Variants in NRG1 observed in about 807,000 individuals in gnomAD.
NRG1 encodes the protein neuregulin 1, also known as pro-neuregulin-1, membrane-bound isoform.
NRG1 carries 18 observed loss-of-function variants against 63.8 expected under a neutral mutation model. The ratio of observed to expected loss-of-function variants is 0.28; its 90% CI spans 0.19 to 0.42. NRG1 has a LOEUF of 0.42. Among genes scored for constraint, NRG1 ranks in the 10% least tolerant of loss-of-function variants. The pLI, the probability that NRG1 is intolerant of heterozygous loss-of-function variation, is 1.00. For missense variants in NRG1, 762 were observed against 814.7 expected (o/e 0.94, Z 0.79); for synonymous variants, 302 against 301.3 (o/e 1.00, Z -0.02).
intron 1 of NRG1, among the ~76,000 whole-genome samples, chr8:31,755,282 G>T (rs1459034791): frequency 6.6e-6 from 1 of 152,058 alleles, no homozygotes; most frequent in Non-Finnish European, 1.5e-5. Flanking sequence ...TGAGACCCCA[G>T]TCTTGATACC....
intron 1 of NRG1, among the ~76,000 whole-genome samples, chr8:31,841,449 C>G (rs1826195628): frequency 6.6e-6 from 1 of 152,046 alleles, no homozygotes; most frequent in Non-Finnish European, 1.5e-5. Flanking sequence ...AGCATTTGTA[C>G]CTCTGCAAGA....
intron 5 of NRG1, among the ~76,000 whole-genome samples, chr8:32,686,048 A>G (rs1275979882): frequency 6.6e-6 from 1 of 152,248 alleles, no homozygotes; most frequent in Admixed American, 6.5e-5. Flanking sequence ...AGAAAGATAC[A>G]GTTGTGTTTT....
intron 5 of NRG1, among the ~76,000 whole-genome samples, chr8:32,637,228 A>G (rs1395822824): frequency 6.6e-6 from 1 of 152,136 alleles, no homozygotes; most frequent in African/African-American, 2.4e-5. Flanking sequence ...CCATTTATCT[A>G]TCAACTTTTT....
intron 1 of NRG1, among the ~76,000 whole-genome samples, chr8:31,934,579 A>G (rs1377066101): frequency 6.6e-6 from 1 of 151,452 alleles, no homozygotes; most frequent in Admixed American, 6.6e-5. Flanking sequence ...TCTACTATAC[A>G]AATTTTACTG....
At chr8:32,572,802 A>G (rs1460783495) in intron 1 of NRG1, among the ~76,000 whole-genome samples, 1 of 152,162 alleles carries the variant, frequency 6.6e-6, no homozygotes, top group Admixed American at 6.6e-5. Flanking sequence ...AAGGGTTTCT[A>G]CAAAGTCACA....
intron 1 of NRG1, among the ~76,000 whole-genome samples, chr8:31,669,294 A>G (rs1345616525): frequency 6.6e-6 from 1 of 151,688 alleles, no homozygotes; most frequent in Non-Finnish European, 1.5e-5. Context: ...CTGGAGCACA[A>G]TGGAGCAATC....
At chr8:32,102,262 C>CA (rs2131367328) in intron 1 of NRG1, among the ~76,000 whole-genome samples, 1 of 152,232 alleles carries the variant, frequency 6.6e-6, no homozygotes, top group African/African-American at 2.4e-5. Context: ...CTCAGCCTCC[C>CA]AAGTAGCTGG....
intron 5 of NRG1, among the ~76,000 whole-genome samples, chr8:32,624,865 T>G (rs1371938630): frequency 1.3e-5 from 2 of 152,200 alleles, no homozygotes; most frequent in Non-Finnish European, 2.9e-5. Flanking sequence ...AATCCATGAT[T>G]GAGGAGATTT....
intron 1 of NRG1, among the ~76,000 whole-genome samples, chr8:32,112,763 C>A (rs970204802): frequency 6.6e-6 from 1 of 152,138 alleles, no homozygotes; most frequent in Non-Finnish European, 1.5e-5. Flanking sequence ...GATTTACCTG[C>A]ACAATTCTCC....
intron 1 of NRG1, among the ~76,000 whole-genome samples, chr8:32,564,827 G>GAGGC (rs914784789): frequency 6.6e-6 from 1 of 152,066 alleles, no homozygotes; most frequent in Non-Finnish European, 1.5e-5. Context: ...TTGGGAGGCT[G>GAGGC]AGGCAGGAGG....
At chr8:32,089,238 A>G (rs759798496) in intron 1 of NRG1, among the ~76,000 whole-genome samples, 2 of 152,080 alleles carry the variant, frequency 1.3e-5, no homozygotes, top group Admixed American at 6.5e-5. Flanking sequence ...TTGGTGTGCT[A>G]TTTTCATCTT....
At chr8:32,082,508 G>A (rs1208636906) in intron 1 of NRG1, among the ~76,000 whole-genome samples, 1 of 152,028 alleles carries the variant, frequency 6.6e-6, no homozygotes, top group Non-Finnish European at 1.5e-5. Flanking sequence ...TAAGGATGTT[G>A]GCCTCCATTC....
chr8:31,639,544 T>C, intron 1 of NRG1: 1 of 1,464,530 alleles, frequency 6.8e-7, no homozygotes, highest in Non-Finnish European at 9.1e-7. Flanking sequence ...CCCAGCCGCT[T>C]GCTCGCAGCC....
intron 5 of NRG1, among the ~76,000 whole-genome samples, chr8:32,716,550 A>G (rs563540847): frequency 3.7e-4 from 56 of 152,294 alleles, no homozygotes; most frequent in African/African-American, 1.2e-3. Context: ...GCCCATATAT[A>G]TATAGATAGA....
chr8:32,732,457 G>T (rs1823918189), intron 6 of NRG1, among the ~76,000 whole-genome samples: 1 of 152,076 alleles, frequency 6.6e-6, no homozygotes, highest in Admixed American at 6.6e-5. Flanking sequence ...ATCAGGCTGT[G>T]CTTATAAGTC....
intron 1 of NRG1, among the ~76,000 whole-genome samples, chr8:32,053,319 A>G (rs900286775): frequency 2.6e-5 from 4 of 152,162 alleles, no homozygotes; most frequent in African/African-American, 9.7e-5. Context: ...ACGCTTCACA[A>G]GCATGTATTG....
chr8:32,742,138 G>C lies in NRG1; in HGVS notation c.633-537G>C, dbSNP rs1286702615. 6.7e-6 allele frequency: 9 copies of C among 1,348,850 alleles called. No homozygotes were observed. The Admixed American group carries it at 1.5e-4, about 23-fold the overall frequency. 83.6% of individuals were successfully genotyped at this position (1,348,850 alleles called of 1,614,324 possible). ...ACTACAGCAACAATCACTACCACTT[G>C]GTGCTTTTACAGCTCAGTCGTAACT... is the stretch of plus-strand genomic sequence containing the variant. On this transcript the variant is annotated intron_variant, in intron 6 of 11. Coordinates refer to ENST00000356819, the Ensembl canonical transcript of NRG1. The surrounding 1 kb of genome is among the most constrained non-coding windows in gnomAD (Gnocchi z 4.2).
At chr8:32,161,393 C>T (rs1838810737) in intron 1 of NRG1, among the ~76,000 whole-genome samples, 1 of 152,086 alleles carries the variant, frequency 6.6e-6, no homozygotes, top group South Asian at 2.1e-4. Context: ...AGAACTCATC[C>T]TTATGTGTGT....
intron 1 of NRG1, among the ~76,000 whole-genome samples, chr8:32,002,539 C>T (rs185159520): frequency 2.6e-4 from 39 of 151,714 alleles, no homozygotes; most frequent in African/African-American, 7.7e-4. Flanking sequence ...TTTTTTTAAG[C>T]ACTTCCTTAC....
Sources: allele counts gnomAD v4.1 joint callset (sites outside exome capture counted in the v4.1 genomes callset), GRCh38; gene constraint gnomAD v4.1.1; non-coding constraint Gnocchi (gnomAD v3.1); transcripts MANE v1.5; gene names NCBI Gene and HGNC (gene_info 2026-07-23, HGNC 2026-07-21).